OR4K14: variants seen among roughly 807,000 people sequenced by gnomAD.
The protein encoded by OR4K14 is olfactory receptor family 4 subfamily K member 14.
For synonymous variants in OR4K14, 153 were observed against 141.5 expected (o/e 1.08, Z -0.58); for missense variants, 406 against 373.6 (o/e 1.09, Z -0.72).
At chr14:20,018,934 A>T (rs1468523891) in intron 1 of OR4K14, among the ~76,000 whole-genome samples, 1 of 152,068 alleles carries the variant, frequency 6.6e-6, no homozygotes, top group African/African-American at 2.4e-5. Context: ...GTTTGTAATC[A>T]GAAAAAAATG....
At position 20,014,748 on chromosome 14, in the gene OR4K14, G is replaced by C. The variant is rs868775283; in HGVS notation, c.446C>G (p.Ser149Ter). The change falls in exon 2 of 2, where the codon TCA becomes TGA. Residue 149 changes from serine (S) to a stop codon, truncating the protein, a stop_gained. Transcript: ENST00000641793. LOFTEE classifies it low-confidence loss of function (END_TRUNC). ...WQTCIRLVLA[S>*]WVVGFVHSIS... is the part of the protein sequence containing the mutation. Reference sequence around the variant, plus strand: ...GGAGTGCACAAATCCAACGACCCATGAAGCCAGCACCAGCCTGATGCAAGT... The same window carrying C: ...GGAGTGCACAAATCCAACGACCCATCAAGCCAGCACCAGCCTGATGCAAGT... 1 of 1,614,110 alleles carries C rather than the reference G, an allele frequency of 6.2e-7. No individual in the cohort carries two copies. The highest frequency in any genetic ancestry group is 1.3e-5 in the African/African-American group (1 of 75,024).
In OR4K14 at chr14:20,015,224, T is replaced by C. The variant is rs753839391; in HGVS notation, c.-29-2A>G. The C allele has an allele frequency of 7.8e-6, 11 of 1,418,972 alleles. No individual in the cohort carries two copies. Among genetic ancestry groups the C allele is most frequent in the Non-Finnish European group, 8.7e-6 (9 of 1,038,660 alleles). The allele number at this position is 1,418,972 out of a possible 1,614,324, so 87.9% of individuals were successfully genotyped here. On this transcript the variant is annotated splice_acceptor_variant, in intron 1 of 1. Coordinates refer to ENST00000641793, the MANE Select transcript of OR4K14 (RefSeq NM_001004712.2). LOFTEE classifies it low-confidence loss of function (5UTR_SPLICE). Reference sequence around the variant, plus strand: ...CAGGTTTCAGACTTTGTTTGTAATCTAAATAAAGAAAAAAATCCTGTCATT... The same window carrying C: ...CAGGTTTCAGACTTTGTTTGTAATCCAAATAAAGAAAAAAATCCTGTCATT...
chr14:20,015,399 G>C lies in OR4K14; in HGVS notation c.-29-177C>G, dbSNP rs200629950. 3.3e-5 allele frequency among the ~76,000 whole-genome samples: 5 copies of C among 152,194 alleles called. No individual in the cohort carries two copies. In the East Asian group the frequency reaches 7.7e-4, roughly 23 times the overall value. The stretch of plus-strand genomic sequence containing the variant: ...ATGGTGGTTACCAGAGGCTGGGAAG[G>C]AGAAGGGTGAGGGATAAGTTCGTCA... On this transcript the variant is annotated intron_variant, in intron 1 of 1. Transcript: ENST00000641793.
At chr14:20,017,508 T>C (rs1877122530) in intron 1 of OR4K14, among the ~76,000 whole-genome samples, 1 of 141,086 alleles carries the variant, frequency 7.1e-6, no homozygotes, top group African/African-American at 2.5e-5. Flanking sequence ...GATACATAAA[T>C]CTATCTATAA....
chr14:20,018,208 T>C (rs546904458), intron 1 of OR4K14, among the ~76,000 whole-genome samples: 1 of 152,130 alleles, frequency 6.6e-6, no homozygotes, highest in South Asian at 2.1e-4. Flanking sequence ...TCTAAAGGGA[T>C]TAATAATTAC....
chr14:20,014,457 A>C lies in OR4K14; in HGVS notation c.737T>G (p.Met246Arg). Reference sequence around the variant, plus strand: ...AGGGCCAAAGAACAGCGTCACTACCATGATATGTGCAGAGCAAGTGGAGAG... The same window carrying C: ...AGGGCCAAAGAACAGCGTCACTACCCTGATATGTGCAGAGCAAGTGGAGAG... ...KALSTCSAHI[M>R]VVTLFFGPCI... Residue 246 changes from methionine to arginine, a missense_variant, in exon 2 of 2, where the codon ATG (methionine) becomes AGG (arginine). Met to Arg is a moderately conservative substitution (Grantham distance 91, BLOSUM62 -1). Coordinates refer to ENST00000641793, the MANE Select transcript of OR4K14 (RefSeq NM_001004712.2). 6.2e-7 allele frequency: 1 copy of C among 1,614,134 alleles called. No homozygotes were observed. The highest frequency in any genetic ancestry group is 8.5e-7 in the Non-Finnish European group (1 of 1,179,978).
chr14:20,017,433 A>G (rs1877120986), intron 1 of OR4K14, among the ~76,000 whole-genome samples: 1 of 152,070 alleles, frequency 6.6e-6, no homozygotes, highest in East Asian at 1.9e-4. Context: ...CACCCCACAG[A>G]TTTTTATTTT....
At chr14:20,016,418 C>A (rs1681972720) in intron 1 of OR4K14, among the ~76,000 whole-genome samples, 1 of 151,792 alleles carries the variant, frequency 6.6e-6, no homozygotes, top group African/African-American at 2.4e-5. Flanking sequence ...AATCATGTAC[C>A]CAACTTATGT....
In OR4K14 at chr14:20,014,398, A is replaced by G; in HGVS notation, c.796T>C (p.Phe266Leu). Residue 266 changes from phenylalanine (F) to leucine (L), a missense_variant, in exon 2 of 2, where the codon TTC (phenylalanine) becomes CTC (leucine). Physicochemically the swap from Phe to Leu is conservative, Grantham distance 22. Coordinates refer to ENST00000641793, the MANE Select transcript of OR4K14 (RefSeq NM_001004712.2). ...IFVYVRPFSR[F>L]SVDKLLSVFY... ...ACAGACAGCAGCTTGTCCACAGAGA[A>G]CCTACTGAAAGGCCGCACATAAACA... 1.2e-6 allele frequency: 2 copies of G among 1,614,064 alleles called. No individual in the cohort carries two copies. The highest frequency in any genetic ancestry group is 1.1e-5 in the South Asian group (1 of 91,078).
At chr14:20,015,462 A>G (rs1489525496) in intron 1 of OR4K14, among the ~76,000 whole-genome samples, 1 of 152,196 alleles carries the variant, frequency 6.6e-6, no homozygotes, top group East Asian at 1.9e-4. Context: ...GAAAAAATTC[A>G]AGTGATCTAT....
chr14:20,018,205 G>C (rs1387634338), intron 1 of OR4K14, among the ~76,000 whole-genome samples: 2 of 151,794 alleles, frequency 1.3e-5, no homozygotes, highest in African/African-American at 4.8e-5. Context: ...GAATCTAAAG[G>C]GATTAATAAT....
chr14:20,017,119 C>T (rs1423716977), intron 1 of OR4K14, among the ~76,000 whole-genome samples: 1 of 151,754 alleles, frequency 6.6e-6, no homozygotes, highest in African/African-American at 2.4e-5. Context: ...TATTAAGGTA[C>T]AATTTATATA....
Position 20,014,256 on chromosome 14 carries a change from G to T in OR4K14, c.*5C>A. 1 of 1,566,970 alleles carries T rather than the reference G, an allele frequency of 6.4e-7. No individual in the cohort carries two copies. On this transcript the variant is annotated 3_prime_UTR_variant, in exon 2 of 2. Transcript: ENST00000641793. ...GAAACATCTAACACTATGGAAGGCT[G>T]GATTTCATTGAAAAGTCACCCGTCG...
At chr14:20,017,719 A>C (rs1959648) in intron 1 of OR4K14, among the ~76,000 whole-genome samples, 111,514 of 151,762 alleles carry the variant, frequency 0.73, 43,385 homozygotes, top group East Asian at 0.95. Context: ...TTAATGAGTA[A>C]GAAAATGCAG....
chr14:20,015,773 G>A (rs1460555744), intron 1 of OR4K14, among the ~76,000 whole-genome samples: 1 of 152,076 alleles, frequency 6.6e-6, no homozygotes, highest in Non-Finnish European at 1.5e-5. Context: ...ACTTGCAAGT[G>A]ATACTCTAAA....
chr14:20,018,254 TCAAC>T (rs1877138374), intron 1 of OR4K14, among the ~76,000 whole-genome samples: 1 of 152,054 alleles, frequency 6.6e-6, no homozygotes, highest in Non-Finnish European at 1.5e-5. Context: ...AGCACCCATC[TCAAC>T]CAGACTGTTG....
rs539150551 is a variant in OR4K14, at chr14:20,014,447, C to T, written c.747G>A (p.Thr249=). Residue 249 remains threonine, a synonymous_variant, in exon 2 of 2, where the codon ACG becomes ACA. Transcript: ENST00000641793. Reference sequence around the variant, plus strand: ...CAAAAATGCAAGGGCCAAAGAACAGCGTCACTACCATGATATGTGCAGAGC... The same window carrying T: ...CAAAAATGCAAGGGCCAAAGAACAGTGTCACTACCATGATATGTGCAGAGC... ...STCSAHIMVV[T]LFFGPCIFVY... is the part of the protein sequence containing the mutation. 6.8e-6 allele frequency: 11 copies of T among 1,614,032 alleles called. No homozygotes were observed. Among genetic ancestry groups the T allele is most frequent in the East Asian group, 2.2e-5 (1 of 44,874 alleles).
intron 1 of OR4K14, among the ~76,000 whole-genome samples, chr14:20,018,087 T>C (rs1451195034): frequency 6.6e-6 from 1 of 152,028 alleles, no homozygotes; most frequent in Admixed American, 6.6e-5. Flanking sequence ...AATTGAAGAA[T>C]GTAACATAAA....
At chr14:20,018,732 A>G (rs1214241023) in intron 1 of OR4K14, among the ~76,000 whole-genome samples, 2 of 151,986 alleles carry the variant, frequency 1.3e-5, no homozygotes, top group African/African-American at 4.8e-5. Flanking sequence ...TAGTTGTACA[A>G]CTCTGTAAAT....
Sources: allele counts gnomAD v4.1 joint callset (sites outside exome capture counted in the v4.1 genomes callset), GRCh38; gene constraint gnomAD v4.1.1; transcripts MANE v1.5; gene names NCBI Gene and HGNC (gene_info 2026-07-23, HGNC 2026-07-21).